PPFIBP1: variants seen among roughly 807,000 people sequenced by gnomAD.
The protein encoded by PPFIBP1 is PPFIB scaffold protein 1.
Under a neutral mutation model 137.8 loss-of-function variants are expected in PPFIBP1, and 112 were observed. The observed-to-expected ratio is 0.81, with a 90% CI of 0.70 to 0.95. The LOEUF is 0.95. PPFIBP1 is among the 40% of genes least tolerant of loss of function. PPFIBP1 has a pLI of 0.00. For synonymous variants in PPFIBP1, 378 were observed against 417.3 expected (o/e 0.91, Z 1.15); for missense variants, 1,083 against 1,196.6 (o/e 0.91, Z 1.40).
chr12:27,618,871 T>G (rs560493949), intron 2 of PPFIBP1, among the ~76,000 whole-genome samples: 41 of 152,346 alleles, frequency 2.7e-4, no homozygotes, highest in African/African-American at 8.9e-4. Context: ...AGTGGGTCTT[T>G]AGTCCTTAAA....
At chr12:27,629,030 C>T (rs1224684885) in intron 2 of PPFIBP1, among the ~76,000 whole-genome samples, 4 of 152,260 alleles carry the variant, frequency 2.6e-5, no homozygotes, top group South Asian at 2.1e-4. Context: ...CATTTTCAGA[C>T]CACCACATCC....
intron 2 of PPFIBP1, among the ~76,000 whole-genome samples, chr12:27,586,263 G>C (rs112058987): frequency 2.0e-5 from 3 of 152,306 alleles, no homozygotes; most frequent in African/African-American, 7.2e-5. Context: ...TTTTTAACCT[G>C]GGATGGAAGA....
At chr12:27,690,945 C>G (rs755460196) in intron 27 of PPFIBP1, among the ~76,000 whole-genome samples, 12 of 151,420 alleles carry the variant, frequency 7.9e-5, no homozygotes, top group Non-Finnish European at 1.5e-4. Context: ...AATATGTTAT[C>G]CCAACCAACT....
At chr12:27,566,216 G>A (rs1023196314) in intron 1 of PPFIBP1, among the ~76,000 whole-genome samples, 10 of 151,740 alleles carry the variant, frequency 6.6e-5, no homozygotes, top group African/African-American at 1.9e-4. Context: ...CTCTGATACC[G>A]CCACCACCAA....
intron 2 of PPFIBP1, among the ~76,000 whole-genome samples, chr12:27,628,219 C>T (rs1328259596): frequency 6.6e-6 from 1 of 152,022 alleles, no homozygotes. Flanking sequence ...GGTTCTTTAT[C>T]ACCCAGGCTA....
intron 1 of PPFIBP1, among the ~76,000 whole-genome samples, chr12:27,525,079 G>T (rs573679914): frequency 6.6e-6 from 1 of 152,126 alleles, no homozygotes; most frequent in Non-Finnish European, 1.5e-5. Context: ...TGAGGGGCGA[G>T]CTGGTAGTTG....
chr12:27,544,944 T>C (rs1459819810), intron 1 of PPFIBP1, among the ~76,000 whole-genome samples: 3 of 152,228 alleles, frequency 2.0e-5, no homozygotes, highest in Non-Finnish European at 4.4e-5. Flanking sequence ...CGTGTGTTTA[T>C]TGCAGCACTA....
chr12:27,582,218 A>ATG (rs781763446), intron 2 of PPFIBP1, among the ~76,000 whole-genome samples: 3 of 151,882 alleles, frequency 2.0e-5, no homozygotes, highest in East Asian at 1.9e-4. Flanking sequence ...TGGCGTGTGT[A>ATG]TGTGTGTGTG....
chr12:27,688,320 T>C lies in PPFIBP1; in HGVS notation c.2393T>C (p.Val798Ala). The C allele has an allele frequency of 6.2e-7, 1 of 1,614,026 alleles. No individual in the cohort carries two copies. The highest frequency in any genetic ancestry group is 8.5e-7 in the Non-Finnish European group (1 of 1,179,950). ...TAGAATACCATCGCCCCATCAGAAG[T>C]TCAGAAGTGGACTAACCATCGAGTG... Reference protein sequence around the residue: ...SDENTIAPSEVQKWTNHRVME... With the variant: ...SDENTIAPSEAQKWTNHRVME... Residue 798 changes from valine to alanine, a missense_variant, in exon 26 of 30, where the codon GTT (valine) becomes GCT (alanine). Physicochemically the swap from Val to Ala is moderately conservative, Grantham distance 64. Transcript: ENST00000228425.
At chr12:27,587,195 G>A (rs2051867700) in intron 2 of PPFIBP1, among the ~76,000 whole-genome samples, 1 of 152,102 alleles carries the variant, frequency 6.6e-6, no homozygotes, top group South Asian at 2.1e-4. Flanking sequence ...TGAACCCAAA[G>A]GCAGGTGCGA....
chr12:27,683,266 A>AT (rs1186620735), intron 24 of PPFIBP1, among the ~76,000 whole-genome samples: 1 of 152,062 alleles, frequency 6.6e-6, no homozygotes, highest in African/African-American at 2.4e-5. Flanking sequence ...GAGTTTCGCC[A>AT]TGTTGGCCAG....
At chr12:27,526,276 A>G (rs1441923232) in intron 1 of PPFIBP1, among the ~76,000 whole-genome samples, 2 of 152,230 alleles carry the variant, frequency 1.3e-5, no homozygotes, top group African/African-American at 4.8e-5. Context: ...TCAGATTTAC[A>G]CTTTCTTTCC....
chr12:27,654,556 C>T (rs1326133728), intron 7 of PPFIBP1, 166 bp from the exon 8 acceptor site: 3 of 822,670 alleles, frequency 3.6e-6, no homozygotes, highest in Admixed American at 3.9e-5. Flanking sequence ...TGGAAAGATG[C>T]CTTCGTTCTT....
At chr12:27,580,951 C>T (rs1277138040) in intron 2 of PPFIBP1, among the ~76,000 whole-genome samples, 1 of 151,340 alleles carries the variant, frequency 6.6e-6, no homozygotes, top group Admixed American at 6.6e-5. Context: ...CGGTTTGTTG[C>T]CCAGGCTGGA....
intron 9 of PPFIBP1, chr12:27,656,991 A>T (rs1183089254): frequency 1.6e-5 from 5 of 306,986 alleles, no homozygotes; most frequent in Non-Finnish European, 2.4e-5. Context: ...TTCTCATCAC[A>T]AGGATGGACT....
chr12:27,545,596 T>C (rs1426783204), intron 1 of PPFIBP1, among the ~76,000 whole-genome samples: 1 of 152,190 alleles, frequency 6.6e-6, no homozygotes, highest in Non-Finnish European at 1.5e-5. Context: ...TCCCACGAGC[T>C]ATAATGCATC....
Position 27,546,350 on chromosome 12 carries a change from A to G in PPFIBP1, c.-124+21985A>G, listed in dbSNP as rs1431929973. 2.0e-5 allele frequency among the ~76,000 whole-genome samples: 3 copies of G among 152,336 alleles called. No homozygotes were observed. In the East Asian group the frequency reaches 5.8e-4, roughly 29 times the overall value. On this transcript the variant is annotated intron_variant, in intron 1 of 29. Transcript: ENST00000228425. ...GGGAGGGCTTTAAGGATCAAATGAG[A>G]TCACATGTAAAATGCTGTAAAAAAT...
At chr12:27,633,512 G>A in intron 3 of PPFIBP1, 52 bp downstream of exon 3, 2 of 1,488,996 alleles carry the variant, frequency 1.3e-6, no homozygotes, top group Non-Finnish European at 1.8e-6. Context: ...CTCCTCACTT[G>A]GCTTTTTCAC....
chr12:27,559,182 T>TC (rs2048955938), intron 1 of PPFIBP1, among the ~76,000 whole-genome samples: 1 of 151,912 alleles, frequency 6.6e-6, no homozygotes. Context: ...ATAGTGATTT[T>TC]TTTTTTTTAG....
Sources: gnomAD v4.1 joint callset for allele counts (sites outside exome capture counted in the v4.1 genomes callset) on GRCh38, gnomAD v4.1.1 for gene constraint, MANE v1.5 for transcripts, NCBI Gene and HGNC (gene_info 2026-07-23, HGNC 2026-07-21) for gene names.